The following TPX2 variants were observed in gnomAD, a reference collection of about 807,000 sequenced individuals.
TPX2 encodes the protein targeting protein for Xklp2.
TPX2 carries 21 observed loss-of-function variants against 93.6 expected under a neutral mutation model. The observed-to-expected ratio is 0.22, with a 90% confidence interval of 0.16 to 0.32. TPX2 has a LOEUF of 0.32. Among genes scored for constraint, TPX2 ranks in the 10% least tolerant of loss-of-function variants. The pLI is 1.00. For synonymous variants in TPX2, 281 were observed against 298.3 expected (o/e 0.94, Z 0.60); for missense variants, 776 against 871.1 (o/e 0.89, Z 1.37).
At chr20:31,750,369 GTC>G (rs2061811177) in intron 2 of TPX2, among the ~76,000 whole-genome samples, 1 of 151,944 alleles carries the variant, frequency 6.6e-6, no homozygotes, top group Admixed American at 6.6e-5. Flanking sequence ...TTTGAGGCTG[GTC>G]TCGAACTCCT....
rs1033258429 is a variant in TPX2 at position 31,776,220 on chromosome 20, A to C, written c.730+232A>C. Among the ~76,000 whole-genome samples the C allele has an allele frequency of 2.6e-5, 4 of 151,216 alleles. No homozygotes were observed. The East Asian group carries it at 7.8e-4, about 30-fold the overall frequency. ...CTCAGCCTCCCGAGTAGCTGGGACTACAGGCGCCCGCCACCGCGCCCGGCT... is the reference window on the plus strand; with the variant it reads ...CTCAGCCTCCCGAGTAGCTGGGACTCCAGGCGCCCGCCACCGCGCCCGGCT... On this transcript the variant is annotated intron_variant, in intron 8 of 17. Transcript: ENST00000300403.
At chr20:31,773,501 A>G (rs1332809386) in intron 7 of TPX2, among the ~76,000 whole-genome samples, 1 of 152,014 alleles carries the variant, frequency 6.6e-6, no homozygotes, top group Non-Finnish European at 1.5e-5. Context: ...GATGTTAGCC[A>G]GGCTGGTCTC....
At chr20:31,783,601 C>A in intron 11 of TPX2, 104 bp from the exon 12 acceptor site, 1 of 1,096,760 alleles carries the variant, frequency 9.1e-7, no homozygotes, top group Non-Finnish European at 1.3e-6. Flanking sequence ...TCAATGGGAG[C>A]ATAATCTTAA....
chr20:31,797,399 A>C lies in TPX2; in HGVS notation c.1834-5A>C. 6.2e-7 allele frequency: 1 copy of C among 1,613,962 alleles called. No individual in the cohort carries two copies. Among genetic ancestry groups the C allele is most frequent in the Non-Finnish European group, 8.5e-7 (1 of 1,179,878 alleles). On this transcript the variant is annotated splice_region_variant and splice_polypyrimidine_tract_variant and intron_variant, in intron 15 of 17. Coordinates refer to ENST00000300403, the MANE Select transcript of TPX2 (RefSeq NM_012112.5). ...TGCTCATCTGACTGACTTTCTCTCT[A>C]ATAGCTGGAAGAAGAACTGAGACAG...
rs560610426 is a variant in TPX2, at chr20:31,776,166, C to T, written c.730+178C>T. 9.5e-5 allele frequency among the ~76,000 whole-genome samples: 14 copies of T among 147,856 alleles called. No homozygotes were observed. In the East Asian group the frequency reaches 1.4e-3, roughly 15 times the overall value. ...CGCAATCTCGGCTCACTGCAAGCTC[C>T]GCTTCCCAGGTTCACGCCATTCTCC... On this transcript the variant is annotated intron_variant, in intron 8 of 17. Coordinates refer to ENST00000300403, the MANE Select transcript of TPX2 (RefSeq NM_012112.5).
chr20:31,786,900 T>C (rs1169343831), intron 12 of TPX2, among the ~76,000 whole-genome samples: 1 of 152,060 alleles, frequency 6.6e-6, no homozygotes, highest in Non-Finnish European at 1.5e-5. Flanking sequence ...CTAGGTAAGG[T>C]GTGACCGAAT....
intron 4 of TPX2, among the ~76,000 whole-genome samples, chr20:31,761,524 T>A (rs2061891226): frequency 6.6e-6 from 1 of 152,234 alleles, no homozygotes; most frequent in African/African-American, 2.4e-5. Flanking sequence ...TATGCCTGAC[T>A]TACTTCACTT....
chr20:31,739,523 G>A lies in TPX2; in HGVS notation c.-276G>A, dbSNP rs2061741821. Reference sequence around the variant, plus strand: ...TAGGCGGGGCAGGGTGCGAGCAGGGGCTTCGGGCCACGCTTCTCTTGGCGA... The same window carrying A: ...TAGGCGGGGCAGGGTGCGAGCAGGGACTTCGGGCCACGCTTCTCTTGGCGA... On this transcript the variant is annotated 5_prime_UTR_variant, in exon 1 of 18. Coordinates refer to ENST00000300403, the MANE Select transcript of TPX2 (RefSeq NM_012112.5). 1 of 152,312 alleles carries A rather than the reference G, an allele frequency of 6.6e-6. No individual in the cohort carries two copies. The highest frequency in any genetic ancestry group is 2.4e-5 in the African/African-American group (1 of 41,480). 9.4% of individuals were successfully genotyped at this position (152,312 alleles called of 1,614,324 possible).
intron 4 of TPX2, among the ~76,000 whole-genome samples, chr20:31,762,014 T>C (rs1450184103): frequency 1.3e-5 from 2 of 152,230 alleles, no homozygotes; most frequent in African/African-American, 4.8e-5. Context: ...ATTAGTGATG[T>C]TGAGCATTTT....
chr20:31,776,549 G>C (rs1343440976), intron 8 of TPX2, among the ~76,000 whole-genome samples: 1 of 149,982 alleles, frequency 6.7e-6, no homozygotes, highest in Non-Finnish European at 1.5e-5. Flanking sequence ...TTCTGAGACA[G>C]AGTTTTGCTC....
intron 11 of TPX2, among the ~76,000 whole-genome samples, chr20:31,783,140 T>G (rs936512128): frequency 2.0e-5 from 3 of 152,178 alleles, no homozygotes; most frequent in South Asian, 4.1e-4. Context: ...TTTTTGTGCT[T>G]CTTTTGAGGA....
chr20:31,739,722 A>C (rs2061743050), intron 1 of TPX2, 101 bp downstream of exon 1: 1 of 152,212 alleles, frequency 6.6e-6, no homozygotes, highest in Non-Finnish European at 1.5e-5. Flanking sequence ...CGCCAAGCCA[A>C]TGTAGTTGGT....
At position 31,754,889 on chromosome 20, in the gene TPX2, TA is replaced by T. The variant is rs2061842047; in HGVS notation, c.-70-2516del. Among the ~76,000 whole-genome samples the T allele has an allele frequency of 2.0e-5, 3 of 152,240 alleles. No homozygotes were observed. The East Asian group carries it at 5.8e-4, about 29-fold the overall frequency. On this transcript the variant is annotated intron_variant, in intron 2 of 17. Coordinates refer to ENST00000300403, the MANE Select transcript of TPX2 (RefSeq NM_012112.5). ...ACTGTCAATGATTCATTTAAAAAAA[TA>T]ATAGTTTGTATATATATGAGGGAGA...
intron 10 of TPX2, among the ~76,000 whole-genome samples, chr20:31,781,819 T>C (rs2062035452): frequency 6.6e-6 from 1 of 151,978 alleles, no homozygotes; most frequent in Non-Finnish European, 1.5e-5. Flanking sequence ...GGTGCATGCC[T>C]GTAATCCCAG....
At chr20:31,799,140 C>A (rs1392651291) in intron 17 of TPX2, among the ~76,000 whole-genome samples, 1 of 152,178 alleles carries the variant, frequency 6.6e-6, no homozygotes, top group Non-Finnish European at 1.5e-5. Context: ...AGGTAATCCT[C>A]TACTAACATA....
chr20:31,755,494 G>T (rs2061846023), intron 2 of TPX2, among the ~76,000 whole-genome samples: 1 of 151,902 alleles, frequency 6.6e-6, no homozygotes, highest in East Asian at 1.9e-4. Flanking sequence ...AAAAACAAAT[G>T]GCTGGCCGGG....
At chr20:31,793,410 T>A (rs2062115329) in intron 13 of TPX2, among the ~76,000 whole-genome samples, 1 of 152,188 alleles carries the variant, frequency 6.6e-6, no homozygotes, top group Admixed American at 6.5e-5. Context: ...CATTTGAAAC[T>A]AAAATACGCA....
intron 4 of TPX2, among the ~76,000 whole-genome samples, chr20:31,763,516 A>T (rs553064119): frequency 6.6e-6 from 1 of 152,022 alleles, no homozygotes; most frequent in East Asian, 1.9e-4. Context: ...TATTCTTACT[A>T]ATTTTTCTTT....
intron 2 of TPX2, among the ~76,000 whole-genome samples, chr20:31,750,908 G>T (rs556916476): frequency 3.2e-4 from 49 of 152,154 alleles, no homozygotes; most frequent in Non-Finnish European, 1.0e-4. Flanking sequence ...TGTTGTTGTT[G>T]TTGTTGTTGT....
Sources: gnomAD v4.1 joint callset for allele counts (sites outside exome capture counted in the v4.1 genomes callset) on GRCh38, gnomAD v4.1.1 for gene constraint, MANE v1.5 for transcripts, NCBI Gene and HGNC (gene_info 2026-07-23, HGNC 2026-07-21) for gene names.